The following TRAPPC9 variants were observed in gnomAD, a reference collection of about 807,000 sequenced individuals.
The protein encoded by TRAPPC9 is IKK2 binding protein.
In TRAPPC9, 83 loss-of-function variants were observed where a neutral mutation model predicts 124.0. The ratio of observed to expected loss-of-function variants is 0.67; its 90% CI spans 0.56 to 0.80. The LOEUF (loss-of-function observed/expected upper bound fraction) is 0.80, where lower values mean the gene tolerates loss of function less well. Among genes scored for constraint, TRAPPC9 ranks in the 30% least tolerant of loss-of-function variants. The pLI is 0.00. For missense variants in TRAPPC9, 1,302 were observed against 1,508.3 expected (o/e 0.86, Z 2.27); for synonymous variants, 638 against 617.5 (o/e 1.03, Z -0.49).
At chr8:139,948,322 C>T (rs1425988971) in intron 19 of TRAPPC9, among the ~76,000 whole-genome samples, 2 of 151,954 alleles carry the variant, frequency 1.3e-5, no homozygotes, top group Non-Finnish European at 2.9e-5. Context: ...CTAGCGTGTT[C>T]CCCATGACCC....
intron 21 of TRAPPC9, among the ~76,000 whole-genome samples, chr8:139,740,642 C>T (rs192842129): frequency 9.5e-4 from 144 of 152,294 alleles, no homozygotes; most frequent in African/African-American, 2.8e-3. Context: ...GAAGCAGGTC[C>T]GGGAGCCCTG....
Position 140,353,281 on chromosome 8 carries a change from C to T in TRAPPC9, c.1495+6769G>A, listed in dbSNP as rs1282039459. Among the ~76,000 whole-genome samples, 1 of 152,204 alleles carries T rather than the reference C, an allele frequency of 6.6e-6. No individual in the cohort carries two copies. The highest frequency in any genetic ancestry group is 1.5e-5 in the Non-Finnish European group (1 of 68,036). On this transcript the variant is annotated intron_variant, in intron 9 of 22. Transcript: ENST00000438773. This position sits in a 1 kb window ranked among gnomAD's most constrained non-coding sequence, Gnocchi z 4.2. ...TGTGAAATAAGGCACATCCTTAACA[C>T]AGGTTCATTCACTGGCCCCCTCCCA...
chr8:139,954,180 G>T (rs1335821957), intron 19 of TRAPPC9, among the ~76,000 whole-genome samples: 3 of 152,154 alleles, frequency 2.0e-5, no homozygotes, highest in Non-Finnish European at 4.4e-5. Context: ...AGCTTTTGGG[G>T]GTGATGAATA....
intron 21 of TRAPPC9, among the ~76,000 whole-genome samples, chr8:139,756,247 G>A (rs1463806150): frequency 7.6e-6 from 1 of 131,418 alleles, no homozygotes; most frequent in East Asian, 2.3e-4. Context: ...TTGGGGATGA[G>A]GACAGCAGGT....
chr8:139,994,069 G>T (rs531715748), intron 18 of TRAPPC9, among the ~76,000 whole-genome samples: 5 of 152,246 alleles, frequency 3.3e-5, no homozygotes, highest in African/African-American at 1.2e-4. Flanking sequence ...CTTATAAAAA[G>T]TTACTTTTAA....
At chr8:139,847,252 A>G (rs1174950228) in intron 21 of TRAPPC9, among the ~76,000 whole-genome samples, 4 of 152,202 alleles carry the variant, frequency 2.6e-5, no homozygotes, top group African/African-American at 9.6e-5. Context: ...AAACCAATAG[A>G]GGTTTTCTGA....
At chr8:140,433,352 G>A (rs1366820573) in intron 4 of TRAPPC9, among the ~76,000 whole-genome samples, 1 of 152,122 alleles carries the variant, frequency 6.6e-6, no homozygotes, top group African/African-American at 2.4e-5. Flanking sequence ...ACTTTGGGAG[G>A]CCGAGGCAGG....
chr8:140,353,366 C>CA lies in TRAPPC9; in HGVS notation c.1495+6683_1495+6684insT, dbSNP rs754327336. On this transcript the variant is annotated intron_variant, in intron 9 of 22. Coordinates refer to ENST00000438773, the MANE Select transcript of TRAPPC9 (RefSeq NM_001160372.4). The surrounding 1 kb of genome is among the most constrained non-coding windows in gnomAD (Gnocchi z 4.2). ...TCTTTTCACAGTAGCATTAATATGACCTATTTATAGTATGCATTTTTTCCC... is the reference window on the plus strand; with the variant it reads ...TCTTTTCACAGTAGCATTAATATGACACTATTTATAGTATGCATTTTTTCCC... Among the ~76,000 whole-genome samples, 35 of 151,784 alleles carry CA rather than the reference C, an allele frequency of 2.3e-4. No individual in the cohort carries two copies. The highest frequency in any genetic ancestry group is 1.8e-4 in the Non-Finnish European group (12 of 67,972).
intron 9 of TRAPPC9, among the ~76,000 whole-genome samples, chr8:140,318,594 T>C (rs1291011819): frequency 6.6e-6 from 1 of 152,246 alleles, no homozygotes; most frequent in Non-Finnish European, 1.5e-5. Flanking sequence ...TTCAATTGTT[T>C]TGAATCCCAC....
Position 140,287,593 on chromosome 8 carries a change from A to C in TRAPPC9, c.1981+15T>G, listed in dbSNP as rs751726526. 6 of 1,614,058 alleles carry C rather than the reference A, an allele frequency of 3.7e-6. No individual in the cohort carries two copies. In the South Asian group the frequency reaches 4.4e-5, roughly 12 times the overall value. On this transcript the variant is annotated intron_variant, in intron 13 of 22. Transcript: ENST00000438773. ...AGACCCTCCTGAGCAGGAAGCATGA[A>C]GGGACTCTCCTTACCGTTCACAGTA...
intron 5 of TRAPPC9, among the ~76,000 whole-genome samples, chr8:140,410,235 T>C (rs115709162): frequency 9.2e-4 from 140 of 151,886 alleles, no homozygotes; most frequent in African/African-American, 3.3e-3. Flanking sequence ...GGAATCATAT[T>C]AACATTTTAT....
At chr8:140,141,363 T>C (rs1273748666) in intron 17 of TRAPPC9, among the ~76,000 whole-genome samples, 1 of 152,238 alleles carries the variant, frequency 6.6e-6, no homozygotes, top group Non-Finnish European at 1.5e-5. Context: ...ATCCACACTG[T>C]AGACACTCTC....
chr8:140,221,682 A>G (rs2131322572), intron 16 of TRAPPC9, 99 bp from the exon 17 acceptor site: 1 of 1,465,910 alleles, frequency 6.8e-7, no homozygotes, highest in Middle Eastern at 2.2e-4. Flanking sequence ...CTGTCGCACA[A>G]GCTGGAGTGC....
At chr8:140,066,215 A>T (rs548800614) in intron 17 of TRAPPC9, among the ~76,000 whole-genome samples, 6 of 152,128 alleles carry the variant, frequency 3.9e-5, no homozygotes, top group Non-Finnish European at 7.4e-5. Context: ...GAGTCTGAAG[A>T]TGTGACAACC....
chr8:140,381,667 C>CAAAA lies in TRAPPC9; in HGVS notation c.1135-10491_1135-10488dup, dbSNP rs56659960. 6.4e-3 allele frequency among the ~76,000 whole-genome samples: 308 copies of CAAAA among 48,182 alleles called. 21 individuals carry two copies. Among genetic ancestry groups the CAAAA allele is most frequent in the African/African-American group, 0.018 (234 of 12,968 alleles). 31.6% of individuals were successfully genotyped at this position (48,182 alleles called of 152,430 possible). On this transcript the variant is annotated intron_variant, in intron 7 of 22. Coordinates refer to ENST00000438773, the MANE Select transcript of TRAPPC9 (RefSeq NM_001160372.4). ...TGGACAACAGAGTGAGACTCTGTCT[C>CAAAA]AAAAAAAAAAAAAAAAAAAAAAAAG...
At chr8:140,426,930 T>C (rs2070443971) in intron 4 of TRAPPC9, among the ~76,000 whole-genome samples, 2 of 151,942 alleles carry the variant, frequency 1.3e-5, no homozygotes, top group South Asian at 4.1e-4. Context: ...GTTCTTTTTT[T>C]TTTTTTCTTT....
At chr8:140,242,586 G>C (rs1024125871) in intron 16 of TRAPPC9, among the ~76,000 whole-genome samples, 1 of 152,208 alleles carries the variant, frequency 6.6e-6, no homozygotes, top group Non-Finnish European at 1.5e-5. Flanking sequence ...TTTCGGGGCT[G>C]CCAGGTGAAA....
intron 8 of TRAPPC9, among the ~76,000 whole-genome samples, chr8:140,360,402 C>T (rs1007833649): frequency 1.3e-5 from 2 of 152,206 alleles, no homozygotes; most frequent in Non-Finnish European, 2.9e-5. Flanking sequence ...ACAGGCATTA[C>T]ACTATAGCTT....
chr8:140,129,420 G>A (rs1384449981), intron 17 of TRAPPC9, among the ~76,000 whole-genome samples: 1 of 152,200 alleles, frequency 6.6e-6, no homozygotes, highest in East Asian at 1.9e-4. Flanking sequence ...AACAGGCCAT[G>A]TGAAGAGCCC....
Sources: gnomAD v4.1 joint callset for allele counts (sites outside exome capture counted in the v4.1 genomes callset) on GRCh38, gnomAD v4.1.1 for gene constraint, Gnocchi (gnomAD v3.1) non-coding constraint, MANE v1.5 for transcripts, NCBI Gene and HGNC (gene_info 2026-07-23, HGNC 2026-07-21) for gene names.